The following TARS3 variants were observed in gnomAD, a reference collection of about 807,000 sequenced individuals.
TARS3 encodes the protein threonine--tRNA ligase 2, cytoplasmic.
Under a neutral mutation model 103.5 loss-of-function variants are expected in TARS3, and 94 were observed. That is an observed-to-expected ratio of 0.91 (90% confidence interval 0.77 to 1.08). The LOEUF is 1.08. Ranked by LOEUF, TARS3 falls within the 50% of genes least tolerant of loss-of-function variation. The pLI is 0.00. For missense variants in TARS3, 952 were observed against 995.2 expected (o/e 0.96, Z 0.58); for synonymous variants, 416 against 355.4 (o/e 1.17, Z -1.92).
intron 12 of TARS3, among the ~76,000 whole-genome samples, chr15:101,681,965 C>A (rs1898271434): frequency 6.6e-6 from 1 of 152,180 alleles, no homozygotes; most frequent in Non-Finnish European, 1.5e-5. Flanking sequence ...TTATGAAATG[C>A]ATATACAATT....
At chr15:101,721,611 C>T (rs574837701) in intron 2 of TARS3, among the ~76,000 whole-genome samples, 5 of 152,282 alleles carry the variant, frequency 3.3e-5, no homozygotes, top group Admixed American at 6.5e-5. Flanking sequence ...TTTCCTGCCT[C>T]GGCCACCCGA....
chr15:101,691,740 A>C (rs1460510510), intron 10 of TARS3, among the ~76,000 whole-genome samples: 5 of 152,166 alleles, frequency 3.3e-5, no homozygotes, highest in Non-Finnish European at 7.3e-5. Context: ...AATTTTGTTA[A>C]CTTTAGTCCT....
At position 101,685,901 on chromosome 15, in the gene TARS3, C is replaced by T; in HGVS notation, c.1482G>A (p.Gly494=). ...GCTTCGCTTTTAATACTCACCAGTG[C>T]CCTGGACAATTCATGGGTTTGAGGG... ...TFALKPMNCP[G]HCLMFAHRPR... Residue 494 remains glycine (G), a synonymous_variant, in exon 11 of 19, where the codon GGG becomes GGA. Coordinates refer to ENST00000335968, the MANE Select transcript of TARS3 (RefSeq NM_152334.3). 1 of 1,613,638 alleles carries T rather than the reference C, an allele frequency of 6.2e-7. No individual in the cohort carries two copies.
intron 10 of TARS3, among the ~76,000 whole-genome samples, chr15:101,699,671 T>C (rs1310191851): frequency 1.3e-5 from 2 of 152,156 alleles, no homozygotes; most frequent in Admixed American, 6.5e-5. Context: ...CTCCTACCAT[T>C]GCCTCGCATT....
intron 10 of TARS3, among the ~76,000 whole-genome samples, chr15:101,686,499 T>C (rs573759827): frequency 6.6e-6 from 1 of 152,300 alleles, no homozygotes; most frequent in Admixed American, 6.5e-5. Flanking sequence ...TTTTAGTGTA[T>C]AACGATTTAA....
rs750716067 is a variant in TARS3 at position 101,684,085 on chromosome 15, G to A, written c.1640C>T (p.Thr547Ile). ...TGTGTTATTGTTTACCTGCTCCACTGTGCAAAAAATGTGAGCATCGTCCTG... is the reference window on the plus strand; with the variant it reads ...TGTGTTATTGTTTACCTGCTCCACTATGCAAAAAATGTGAGCATCGTCCTG... ...FQQDDAHIFC[T>I]VEQIEEEIKG... is the part of the protein sequence containing the mutation. Residue 547 changes from threonine (T) to isoleucine (I), a missense_variant, in exon 12 of 19, where the codon ACA becomes ATA. Transcript: ENST00000335968. The A allele has an allele frequency of 1.9e-6, 3 of 1,612,898 alleles. No individual in the cohort carries two copies. The highest frequency in any genetic ancestry group is 2.2e-5 in the East Asian group (1 of 44,846).
rs560437048 is a variant in TARS3 at position 101,687,378 on chromosome 15, G to A, written c.1321-1316C>T. 9.2e-5 allele frequency among the ~76,000 whole-genome samples: 14 copies of A among 152,184 alleles called. No homozygotes were observed. In the South Asian group the frequency reaches 1.2e-3, roughly 14 times the overall value. ...AGGTCACGCCATTGCACTCCAGCCT[G>A]GGCAACAAAGCTAGACTCCATCTCA... is the stretch of plus-strand genomic sequence containing the variant. On this transcript the variant is annotated intron_variant, in intron 10 of 18. Coordinates refer to ENST00000335968, the MANE Select transcript of TARS3 (RefSeq NM_152334.3).
At chr15:101,687,548 C>T (rs780149091) in intron 10 of TARS3, among the ~76,000 whole-genome samples, 5 of 151,856 alleles carry the variant, frequency 3.3e-5, no homozygotes, top group African/African-American at 7.3e-5. Context: ...GCAGGGTGTG[C>T]GTGTTCGCTT....
rs1249452743 is a variant in TARS3 at position 101,675,586 on chromosome 15, G to A, written c.1788+14C>T. ...CGACTAAAATGAAGAGGAAGCACAA[G>A]GTGTGTCTCTTACCTTCTCAGCCTC... On this transcript the variant is annotated intron_variant, in intron 13 of 18. Transcript: ENST00000335968. 1 of 1,608,790 alleles carries A rather than the reference G, an allele frequency of 6.2e-7. No homozygotes were observed. The highest frequency in any genetic ancestry group is 1.7e-5 in the Admixed American group (1 of 58,978).
chr15:101,701,464 G>C (rs924192125), intron 9 of TARS3, among the ~76,000 whole-genome samples: 2 of 152,148 alleles, frequency 1.3e-5, no homozygotes, highest in Non-Finnish European at 2.9e-5. Flanking sequence ...GAGACAACAC[G>C]GTAGAAAGAC....
chr15:101,698,792 A>C (rs1358100674), intron 10 of TARS3, among the ~76,000 whole-genome samples: 1 of 152,192 alleles, frequency 6.6e-6, no homozygotes, highest in Non-Finnish European at 1.5e-5. Flanking sequence ...GATGTCCTGG[A>C]TTTTTGAGCC....
At chr15:101,657,111 C>T (rs1897221481) in intron 17 of TARS3, 75 bp from the exon 18 acceptor site, 1 of 950,432 alleles carries the variant, frequency 1.1e-6, no homozygotes, top group South Asian at 1.4e-5. Context: ...GTTCCCCACT[C>T]TTGGTATTCA....
chr15:101,722,686 G>A (rs1900543652), intron 2 of TARS3, among the ~76,000 whole-genome samples: 1 of 148,954 alleles, frequency 6.7e-6, no homozygotes. Flanking sequence ...GGGCTTGGTG[G>A]CATGCACCTG....
intron 10 of TARS3, among the ~76,000 whole-genome samples, chr15:101,691,322 C>G (rs550757808): frequency 1.3e-5 from 2 of 151,514 alleles, no homozygotes; most frequent in African/African-American, 4.8e-5. Context: ...CTCTCTTGCC[C>G]AGGCTGGAGT....
intron 15 of TARS3, among the ~76,000 whole-genome samples, chr15:101,666,273 C>T (rs182607876): frequency 5.9e-5 from 9 of 151,986 alleles, no homozygotes; most frequent in South Asian, 2.1e-4. Context: ...GTAAGGAGTT[C>T]GAGACCAGCC....
chr15:101,684,556 T>C (rs1267232731), intron 11 of TARS3, among the ~76,000 whole-genome samples: 4 of 152,160 alleles, frequency 2.6e-5, no homozygotes, highest in South Asian at 2.1e-4. Context: ...TCCTAGACAT[T>C]TCCCAGACAG....
At chr15:101,713,955 A>G (rs918355757) in intron 4 of TARS3, among the ~76,000 whole-genome samples, 1 of 152,182 alleles carries the variant, frequency 6.6e-6, no homozygotes, top group Non-Finnish European at 1.5e-5. Flanking sequence ...AAATTATAAT[A>G]TGGTTCTTAT....
chr15:101,674,864 G>A (rs1017050804), intron 13 of TARS3, among the ~76,000 whole-genome samples: 2 of 152,018 alleles, frequency 1.3e-5, no homozygotes, highest in South Asian at 2.1e-4. Context: ...TTGAAGGCAT[G>A]AACAGATACG....
intron 10 of TARS3, among the ~76,000 whole-genome samples, chr15:101,700,166 G>T (rs1472672656): frequency 6.6e-6 from 1 of 152,186 alleles, no homozygotes; most frequent in Non-Finnish European, 1.5e-5. Flanking sequence ...AAAAATTTAG[G>T]TAATGATTAT....
Sources: allele counts gnomAD v4.1 joint callset (sites outside exome capture counted in the v4.1 genomes callset), GRCh38; gene constraint gnomAD v4.1.1; transcripts MANE v1.5; gene names NCBI Gene and HGNC (gene_info 2026-07-23, HGNC 2026-07-21).